SPANXN3: variants seen among roughly 807,000 people sequenced by gnomAD.
SPANXN3 encodes SPANX family member N3, also known as sperm protein associated with the nucleus on the X chromosome N3.
SPANXN3 carries 1 observed loss-of-function variant against 1.9 expected under a neutral mutation model. The observed-to-expected ratio is 0.54, with a 90% CI of 0.19 to 2.54. The LOEUF (loss-of-function observed/expected upper bound fraction) is 2.54. Among genes scored for constraint, SPANXN3 ranks in the 30% most tolerant of loss-of-function variants. The pLI, the probability that SPANXN3 is intolerant of heterozygous loss-of-function variation, is 0.24. For synonymous variants in SPANXN3, 47 were observed against 40.0 expected (o/e 1.17, Z -0.66); for missense variants, 113 against 96.2 (o/e 1.17, Z -0.73).
At chrX:143,510,844 C>T (rs1368086660) in intron 1 of SPANXN3, among the ~76,000 whole-genome samples, 1 of 109,860 alleles carries the variant, frequency 9.1e-6, no homozygotes, top group African/African-American at 3.3e-5. Context: ...TCCTCCACCC[C>T]CTTACTGTCA....
intron 1 of SPANXN3, among the ~76,000 whole-genome samples, chrX:143,514,497 C>T (rs1158609782): frequency 9.0e-6 from 1 of 111,614 alleles, no homozygotes; most frequent in Admixed American, 9.5e-5. Flanking sequence ...AAACCACCTC[C>T]TTTCCAACAC....
chrX:143,513,465 T>C, intron 1 of SPANXN3, among the ~76,000 whole-genome samples: 1 of 112,041 alleles, frequency 8.9e-6, no homozygotes, highest in Non-Finnish European at 1.9e-5. Context: ...GCCACATCGC[T>C]GGCCTTAGAG....
chrX:143,517,177 A>T (rs5908678), intron 1 of SPANXN3, 137 bp downstream of exon 1: 12 of 723,349 alleles, frequency 1.7e-5, no homozygotes, highest in Non-Finnish European at 2.0e-5. Flanking sequence ...GCCTGTAAGC[A>T]GCGGTGGGCT....
intron 1 of SPANXN3, among the ~76,000 whole-genome samples, chrX:143,515,306 C>A (rs1168829139): frequency 9.0e-6 from 1 of 111,296 alleles, no homozygotes; most frequent in African/African-American, 3.3e-5. Flanking sequence ...AATTTCCTCA[C>A]CCCCATATTA....
rs781895395 is a variant in SPANXN3, at chrX:143,512,097, G to C, written c.79-2935C>G. ...TATTCAACAGCCCCCTTCACCCACTGTTTCCTGGTTATCCCTCAGTCCCCT... is the reference window on the plus strand; with the variant it reads ...TATTCAACAGCCCCCTTCACCCACTCTTTCCTGGTTATCCCTCAGTCCCCT... On this transcript the variant is annotated intron_variant, in intron 1 of 1. Transcript: ENST00000370503. Among the ~76,000 whole-genome samples, 73 of 110,876 alleles carry C rather than the reference G, an allele frequency of 6.6e-4. 1 individual carries two copies. Among genetic ancestry groups the C allele is most frequent in the Middle Eastern group, 4.6e-3 (1 of 216 alleles).
At chrX:143,515,395 A>G (rs1556412313) in intron 1 of SPANXN3, among the ~76,000 whole-genome samples, 1 of 111,362 alleles carries the variant, frequency 9.0e-6, no homozygotes, top group Non-Finnish European at 1.9e-5. Flanking sequence ...ACCTTAGTCC[A>G]TAACACTCTC....
chrX:143,509,690 C>T (rs185870952), intron 1 of SPANXN3: 72 of 118,682 alleles, frequency 6.1e-4, no homozygotes, highest in Non-Finnish European at 1.2e-3. Flanking sequence ...TTATCAATAT[C>T]CTCCTGGGCA....
intron 1 of SPANXN3, chrX:143,509,498 T>A (rs1339032963): frequency 4.5e-6 from 1 of 221,417 alleles, no homozygotes; most frequent in Non-Finnish European, 8.1e-6. Context: ...TAAAGAAACA[T>A]CCCTATCATA....
chrX:143,512,771 C>T (rs1556411937), intron 1 of SPANXN3, among the ~76,000 whole-genome samples: 1 of 111,651 alleles, frequency 9.0e-6, no homozygotes, highest in African/African-American at 3.3e-5. Context: ...GGATAGCCCC[C>T]ACCTATTCAG....
intron 1 of SPANXN3, among the ~76,000 whole-genome samples, chrX:143,514,865 G>T (rs1434993095): frequency 9.0e-6 from 1 of 111,224 alleles, no homozygotes; most frequent in Non-Finnish European, 1.9e-5. Context: ...TTCCCTAAAG[G>T]TTAAAATGGC....
chrX:143,516,201 C>G (rs1367375200), intron 1 of SPANXN3, among the ~76,000 whole-genome samples: 2 of 112,438 alleles, frequency 1.8e-5, no homozygotes, highest in African/African-American at 6.5e-5. Context: ...TTGCTGGCAG[C>G]TATTCAACTT....
At chrX:143,515,385 AC>A (rs1929192696) in intron 1 of SPANXN3, among the ~76,000 whole-genome samples, 1 of 110,846 alleles carries the variant, frequency 9.0e-6, no homozygotes, top group African/African-American at 3.3e-5. Context: ...AATCCAGAAC[AC>A]CTTAGTCCAT....
intron 1 of SPANXN3, among the ~76,000 whole-genome samples, chrX:143,511,204 C>A (rs1330914160): frequency 9.0e-6 from 1 of 111,311 alleles, no homozygotes; most frequent in Non-Finnish European, 1.9e-5. Flanking sequence ...ACACCCTCCA[C>A]CAACAAGATG....
intron 1 of SPANXN3, among the ~76,000 whole-genome samples, chrX:143,511,227 C>T (rs1929084641): frequency 1.8e-5 from 2 of 111,299 alleles, no homozygotes; most frequent in Non-Finnish European, 3.8e-5. Flanking sequence ...GCTCATAACC[C>T]AGTAGGGACC....
intron 1 of SPANXN3, among the ~76,000 whole-genome samples, chrX:143,510,460 A>G (rs1172354548): frequency 9.0e-6 from 1 of 110,592 alleles, no homozygotes; most frequent in Non-Finnish European, 1.9e-5. Flanking sequence ...CCTCTGGAGA[A>G]CTCACTCCCC....
At chrX:143,516,467 C>T (rs1355914832) in intron 1 of SPANXN3, among the ~76,000 whole-genome samples, 3 of 112,280 alleles carry the variant, frequency 2.7e-5, no homozygotes, top group African/African-American at 9.7e-5. Flanking sequence ...TCTTCCTCCA[C>T]ACACACTAAG....
intron 1 of SPANXN3, among the ~76,000 whole-genome samples, chrX:143,510,439 G>A (rs1556411532): frequency 9.0e-6 from 1 of 110,887 alleles, no homozygotes; most frequent in Non-Finnish European, 1.9e-5. Context: ...TTCCTCTGGG[G>A]TATTCACTTC....
At position 143,508,917 on chromosome X, in the gene SPANXN3, A is replaced by G. The variant is rs782522542; in HGVS notation, c.324T>C (p.Pro108=). 1 of 1,209,839 alleles carries G rather than the reference A, an allele frequency of 8.3e-7. No homozygotes were observed. Among genetic ancestry groups the G allele is most frequent in the Admixed American group, 2.2e-5 (1 of 45,760 alleles). The change falls in exon 2 of 2, where the codon CCT becomes CCC. Residue 108 remains proline, a synonymous_variant. Coordinates refer to ENST00000370503, the MANE Select transcript of SPANXN3 (RefSeq NM_001009609.4). Reference sequence around the variant, plus strand: ...AGTCTAGATCTTTGTCCTCCTTTGAAGGTCCTTCACATGGGCCTAGGTCTT... The same window carrying G: ...AGTCTAGATCTTTGTCCTCCTTTGAGGGTCCTTCACATGGGCCTAGGTCTT... ...EDEDLGPCEG[P]SKEDKDLDSS... is the part of the protein sequence containing the mutation.
chrX:143,516,442 G>C (rs1222175827), intron 1 of SPANXN3, among the ~76,000 whole-genome samples: 1 of 111,810 alleles, frequency 8.9e-6, no homozygotes, highest in Admixed American at 9.5e-5. Context: ...GGTTCCTTTA[G>C]TAGCTTCTGT....
Sources: gnomAD v4.1 joint callset for allele counts (sites outside exome capture counted in the v4.1 genomes callset) on GRCh38, gnomAD v4.1.1 for gene constraint, MANE v1.5 for transcripts, NCBI Gene and HGNC (gene_info 2026-07-23, HGNC 2026-07-21) for gene names.